FRAS1: variants seen among roughly 807,000 people sequenced by gnomAD.
FRAS1 encodes the protein Fraser extracellular matrix complex subunit 1.
A neutral mutation model predicts 435.2 loss-of-function variants in FRAS1; 290 were observed. That is an observed-to-expected ratio of 0.67 (90% CI 0.61 to 0.73). FRAS1 has a LOEUF of 0.73. Among genes scored for constraint, FRAS1 ranks in the 30% least tolerant of loss-of-function variants. The probability of loss-of-function intolerance (pLI) is 0.00; values close to 1 mark genes in which losing one functional copy is unlikely to be tolerated. For synonymous variants in FRAS1, 1,800 were observed against 1,851.0 expected (o/e 0.97, Z 0.71); for missense variants, 4,860 against 5,001.5 (o/e 0.97, Z 0.85).
At chr4:78,503,288 G>C (rs1345927659) in intron 61 of FRAS1, among the ~76,000 whole-genome samples, 3 of 152,218 alleles carry the variant, frequency 2.0e-5, no homozygotes, top group Non-Finnish European at 4.4e-5. Flanking sequence ...AGAAGGAATG[G>C]TACCAGCTCT....
intron 2 of FRAS1, among the ~76,000 whole-genome samples, chr4:78,133,134 G>C (rs1356564206): frequency 2.0e-5 from 3 of 152,154 alleles, no homozygotes; most frequent in Non-Finnish European, 2.9e-5. Context: ...ATCAACAGAT[G>C]AATGGATACA....
chr4:78,127,404 T>C (rs1400163743), intron 2 of FRAS1, among the ~76,000 whole-genome samples: 3 of 152,190 alleles, frequency 2.0e-5, no homozygotes, highest in African/African-American at 7.2e-5. Flanking sequence ...ATTAGATTTG[T>C]GGGTTTATAA....
chr4:78,446,098 A>T, intron 42 of FRAS1: 13 of 1,069,484 alleles, frequency 1.2e-5, no homozygotes, highest in Non-Finnish European at 1.5e-5. Flanking sequence ...TAATTGTAAC[A>T]TCAAAGAAAT....
At chr4:78,116,929 T>C (rs1440537092) in intron 2 of FRAS1, among the ~76,000 whole-genome samples, 1 of 152,252 alleles carries the variant, frequency 6.6e-6, no homozygotes, top group Non-Finnish European at 1.5e-5. Flanking sequence ...CTAGCCTTGA[T>C]GATCTTTACA....
chr4:78,421,269 T>C (rs925801677), intron 33 of FRAS1, among the ~76,000 whole-genome samples: 2 of 152,116 alleles, frequency 1.3e-5, no homozygotes, highest in African/African-American at 4.8e-5. Context: ...TGCCTCAGCC[T>C]CCCGGGTAGC....
chr4:78,191,734 TC>T (rs1269633287), intron 2 of FRAS1, among the ~76,000 whole-genome samples: 2 of 151,956 alleles, frequency 1.3e-5, no homozygotes, highest in Non-Finnish European at 2.9e-5. Context: ...ATGTTCCCCT[TC>T]CTGTGTCCAT....
At chr4:78,421,737 T>C in intron 33 of FRAS1, 126 bp from the exon 34 acceptor site, 2 of 1,106,116 alleles carry the variant, frequency 1.8e-6, no homozygotes, top group Non-Finnish European at 2.7e-6. Context: ...AAGAGCAACC[T>C]GAGAACAGTC....
At chr4:78,441,523 C>A (rs760691098) in intron 41 of FRAS1, among the ~76,000 whole-genome samples, 1 of 152,282 alleles carries the variant, frequency 6.6e-6, no homozygotes, top group Middle Eastern at 3.4e-3. Flanking sequence ...TATCAACAGA[C>A]AAAACCCCCT....
intron 1 of FRAS1, among the ~76,000 whole-genome samples, chr4:78,064,862 G>C (rs1739927084): frequency 6.6e-6 from 1 of 151,630 alleles, no homozygotes; most frequent in Non-Finnish European, 1.5e-5. Context: ...CCAACTGTGT[G>C]GAGCATTGTT....
rs527364229 is a variant in FRAS1, at chr4:78,400,635, C to A, written c.3976-99C>A. The A allele has an allele frequency of 5.9e-6, 7 of 1,194,002 alleles. No homozygotes were observed. The African/African-American group carries it at 1.1e-4, about 18-fold the overall frequency. 74.0% of individuals were successfully genotyped at this position (1,194,002 alleles called of 1,614,324 possible). ...CTGTGAATCTCTCTGTCTTATTAGA[C>A]GATCTTTAACAACAACAGAACTGGA... On this transcript the variant is annotated intron_variant, in intron 29 of 73. Transcript: ENST00000512123.
chr4:78,482,013 G>C lies in FRAS1; in HGVS notation c.8604+49G>C, dbSNP rs1281855909. ...CCACAAAGTTGACAGGTCGGTTTGT[G>C]AATGTTGTCTTTAGTTTGCTTCCCA... On this transcript the variant is annotated intron_variant, in intron 57 of 73. Coordinates refer to ENST00000512123, the MANE Select transcript of FRAS1 (RefSeq NM_025074.7). 4 of 1,575,460 alleles carry C rather than the reference G, an allele frequency of 2.5e-6. 1 individual carries two copies. The highest frequency in any genetic ancestry group is 1.7e-4 in the Middle Eastern group (1 of 5,924).
At chr4:78,081,814 T>G (rs569168648) in intron 2 of FRAS1, among the ~76,000 whole-genome samples, 1 of 152,218 alleles carries the variant, frequency 6.6e-6, no homozygotes, top group Admixed American at 6.6e-5. Context: ...TAAGAAAGCT[T>G]CCTTCTTTCC....
At chr4:78,181,665 G>T in intron 2 of FRAS1, 1 of 1,609,612 alleles carries the variant, frequency 6.2e-7, no homozygotes, top group Non-Finnish European at 8.5e-7. Context: ...TGCCTTTCTG[G>T]TCTTCTATCA....
At position 78,416,565 on chromosome 4, in the gene FRAS1, T is replaced by G. The variant is rs146342179; in HGVS notation, c.4426-2384T>G. On this transcript the variant is annotated intron_variant, in intron 32 of 73. Transcript: ENST00000512123. The stretch of plus-strand genomic sequence containing the variant: ...AGGTACCATTCCTCAAGATCAGGAA[T>G]GTACAAGGACTTTTGGTGGGAAGCA... 4.4e-3 allele frequency among the ~76,000 whole-genome samples: 667 copies of G among 151,944 alleles called. 2 individuals carry two copies. Among genetic ancestry groups the G allele is most frequent in the Non-Finnish European group, 5.2e-3 (356 of 67,996 alleles).
chr4:78,369,856 G>A lies in FRAS1; in HGVS notation c.2741G>A (p.Gly914Glu). 1 of 1,613,118 alleles carries A rather than the reference G, an allele frequency of 6.2e-7. No homozygotes were observed. Among genetic ancestry groups the A allele is most frequent in the Non-Finnish European group, 8.5e-7 (1 of 1,179,580 alleles). The change falls in exon 23 of 74, where the codon GGA becomes GAA. Residue 914 changes from glycine to glutamate, a missense_variant. Gly to Glu is a moderately conservative substitution (Grantham distance 98). Coordinates refer to ENST00000512123, the MANE Select transcript of FRAS1 (RefSeq NM_025074.7). ...HVCQPCNTHC[G>E]SCDSQASCTS... Reference sequence around the variant, plus strand: ...TGCTCAGCATGCAACACACACTGTGGAAGCTGTGATTCACAGGCCAGCTGT... The same window carrying A: ...TGCTCAGCATGCAACACACACTGTGAAAGCTGTGATTCACAGGCCAGCTGT...
chr4:78,438,089 T>G (rs1734501261), intron 38 of FRAS1, among the ~76,000 whole-genome samples: 1 of 151,930 alleles, frequency 6.6e-6, no homozygotes, highest in East Asian at 1.9e-4. Flanking sequence ...CTAAATAACT[T>G]TTCTGTTTCA....
chr4:78,457,335 G>T (rs529659349), intron 47 of FRAS1, among the ~76,000 whole-genome samples: 4 of 152,268 alleles, frequency 2.6e-5, no homozygotes, highest in South Asian at 4.2e-4. Flanking sequence ...GCAGTGGCAG[G>T]GGGTACCAGA....
intron 2 of FRAS1, among the ~76,000 whole-genome samples, chr4:78,119,441 C>G (rs1718884437): frequency 6.6e-6 from 1 of 152,132 alleles, no homozygotes; most frequent in Non-Finnish European, 1.5e-5. Flanking sequence ...AGGTGTTTCA[C>G]TTTCTGTTCC....
In FRAS1 at chr4:78,180,732, T is replaced by G. The variant is rs1050599986; in HGVS notation, c.109-56778T>G. 7 of 724,028 alleles carry G rather than the reference T, an allele frequency of 9.7e-6. No individual in the cohort carries two copies. In the African/African-American group the frequency reaches 1.3e-4, roughly 13 times the overall value. 44.9% of individuals were successfully genotyped at this position (724,028 alleles called of 1,614,324 possible). ...AAGTTCATTTTTGAAACAGATAAAA[T>G]TCAGTCTTTAGGTGTGAATGGTATG... On this transcript the variant is annotated intron_variant, in intron 2 of 73. Coordinates refer to ENST00000512123, the MANE Select transcript of FRAS1 (RefSeq NM_025074.7).
Sources: allele counts gnomAD v4.1 joint callset (sites outside exome capture counted in the v4.1 genomes callset), GRCh38; gene constraint gnomAD v4.1.1; transcripts MANE v1.5; gene names NCBI Gene and HGNC (gene_info 2026-07-23, HGNC 2026-07-21).